The following SYT2 variants were observed in gnomAD, a reference collection of about 807,000 sequenced individuals.
SYT2 encodes synaptotagmin-2.
In SYT2, 15 loss-of-function variants were observed where a neutral mutation model predicts 39.9. The observed-to-expected ratio is 0.38, with a 90% CI of 0.25 to 0.58. SYT2 has a LOEUF of 0.58. Among genes scored for constraint, SYT2 ranks in the 20% least tolerant of loss-of-function variants. The probability of loss-of-function intolerance (pLI) is 0.70; values close to 1 mark genes in which losing one functional copy is unlikely to be tolerated. For missense variants in SYT2, 389 were observed against 530.3 expected, an observed-to-expected ratio of 0.73 and a Z score of 2.62; for synonymous variants, 181 against 204.5, an observed-to-expected ratio of 0.89 and a Z score of 0.98.
chr1:202,685,097 A>C (rs1235947915), intron 1 of SYT2, among the ~76,000 whole-genome samples: 8 of 152,200 alleles, frequency 5.3e-5, no homozygotes, highest in Non-Finnish European at 1.5e-5. Context: ...GAAGTCTGAG[A>C]GTTCAGCCCT....
intron 1 of SYT2, among the ~76,000 whole-genome samples, chr1:202,692,741 C>T (rs373218536): frequency 2.2e-4 from 34 of 152,132 alleles, no homozygotes; most frequent in Non-Finnish European, 8.8e-5. Flanking sequence ...CTAGTTTTCT[C>T]CTCAGCCAGC....
intron 1 of SYT2, among the ~76,000 whole-genome samples, chr1:202,667,815 C>A (rs972978291): frequency 6.6e-6 from 1 of 151,980 alleles, no homozygotes; most frequent in Non-Finnish European, 1.5e-5. Flanking sequence ...CGGGTTCAAG[C>A]GATTCTCCTG....
intron 1 of SYT2, among the ~76,000 whole-genome samples, chr1:202,645,150 A>C (rs1026537346): frequency 1.3e-5 from 2 of 152,106 alleles, no homozygotes; most frequent in Non-Finnish European, 2.9e-5. Flanking sequence ...TCAGATGGAA[A>C]GGGGGACCTG....
chr1:202,642,594 A>G (rs930620540), intron 1 of SYT2, among the ~76,000 whole-genome samples: 17 of 152,098 alleles, frequency 1.1e-4, no homozygotes, highest in Non-Finnish European at 2.2e-4. Flanking sequence ...AAAGTGTGGG[A>G]AAGTTCCCGG....
intron 1 of SYT2, among the ~76,000 whole-genome samples, chr1:202,629,357 C>T (rs866409522): frequency 5.3e-5 from 8 of 152,332 alleles, no homozygotes; most frequent in Middle Eastern, 3.4e-3. Context: ...AGCCCACCTT[C>T]CCCAATACTC....
intron 6 of SYT2, among the ~76,000 whole-genome samples, chr1:202,600,874 G>A (rs1392226973): frequency 1.7e-4 from 26 of 152,266 alleles, no homozygotes; most frequent in African/African-American, 5.8e-4. Flanking sequence ...GGTTAGCCAC[G>A]TGTCCACCAC....
At chr1:202,663,724 G>A (rs1247249529) in intron 1 of SYT2, among the ~76,000 whole-genome samples, 2 of 152,090 alleles carry the variant, frequency 1.3e-5, no homozygotes, top group Non-Finnish European at 1.5e-5. Context: ...TATCTCCTCT[G>A]AGGCTGGCTA....
chr1:202,676,095 C>G (rs1286154940), intron 1 of SYT2, among the ~76,000 whole-genome samples: 2 of 152,242 alleles, frequency 1.3e-5, no homozygotes, highest in Admixed American at 1.3e-4. Context: ...CCTTTCCACC[C>G]CTGCAGCCAG....
intron 1 of SYT2, among the ~76,000 whole-genome samples, chr1:202,682,000 C>T (rs928002750): frequency 3.3e-5 from 5 of 152,322 alleles, no homozygotes; most frequent in Admixed American, 2.6e-4. Context: ...GCCAGGGCCA[C>T]GGTGGCTGGT....
intron 1 of SYT2, among the ~76,000 whole-genome samples, chr1:202,674,720 T>C (rs189231563): frequency 1.5e-3 from 235 of 152,226 alleles, no homozygotes; most frequent in African/African-American, 5.3e-3. Context: ...ATGAAACCCC[T>C]ACTGTTTAAT....
rs189253201 is a variant in SYT2 at position 202,699,374 on chromosome 1, C to T, written c.-18+10884G>A. Among the ~76,000 whole-genome samples, 4 of 152,274 alleles carry T rather than the reference C, an allele frequency of 2.6e-5. No homozygotes were observed. In the East Asian group the frequency reaches 7.7e-4, roughly 29 times the overall value. On this transcript the variant is annotated intron_variant, in intron 1 of 8. Coordinates refer to ENST00000367268, the MANE Select transcript of SYT2 (RefSeq NM_177402.5). ...CCAGCTCTAGAGAGAGTCCCACAAACACCAGCCTGCGGCAGGGCATTTGTC... is the reference window on the plus strand; with the variant it reads ...CCAGCTCTAGAGAGAGTCCCACAAATACCAGCCTGCGGCAGGGCATTTGTC...
At position 202,681,379 on chromosome 1, in the gene SYT2, G is replaced by A. The variant is rs564908265; in HGVS notation, c.-18+28879C>T. Among the ~76,000 whole-genome samples the A allele has an allele frequency of 2.8e-4, 43 of 152,294 alleles. 1 individual carries two copies. Among genetic ancestry groups the A allele is most frequent in the South Asian group, 2.1e-4 (1 of 4,822 alleles). ...CAGCAGCTGCGGAGAATCCTCCACC[G>A]CCACTGGTGTCTCGTCTTATTTAAC... On this transcript the variant is annotated intron_variant, in intron 1 of 8. Coordinates refer to ENST00000367268, the MANE Select transcript of SYT2 (RefSeq NM_177402.5).
At chr1:202,661,914 G>A (rs1184334506) in intron 1 of SYT2, among the ~76,000 whole-genome samples, 1 of 152,180 alleles carries the variant, frequency 6.6e-6, no homozygotes, top group Non-Finnish European at 1.5e-5. Context: ...CAGACACTTT[G>A]AGAGTCCACC....
intron 1 of SYT2, among the ~76,000 whole-genome samples, chr1:202,684,371 AAGTG>A (rs1653605691): frequency 6.6e-6 from 1 of 151,322 alleles, no homozygotes; most frequent in Non-Finnish European, 1.5e-5. Context: ...TTCCACATAT[AAGTG>A]AGATTATACA....
chr1:202,605,937 A>T (rs1434829026), intron 1 of SYT2, 148 bp from the exon 2 acceptor site: 15 of 594,938 alleles, frequency 2.5e-5, no homozygotes, highest in Non-Finnish European at 3.9e-5. Flanking sequence ...ATAATAATAG[A>T]CATCATCCAA....
chr1:202,682,771 A>C (rs1653559578), intron 1 of SYT2, among the ~76,000 whole-genome samples: 1 of 152,120 alleles, frequency 6.6e-6, no homozygotes, highest in African/African-American at 2.4e-5. Flanking sequence ...ACTTGATCCA[A>C]TAGGTAGGTG....
At chr1:202,658,864 TAGA>T (rs1288866925) in intron 1 of SYT2, among the ~76,000 whole-genome samples, 1 of 151,902 alleles carries the variant, frequency 6.6e-6, no homozygotes, top group Non-Finnish European at 1.5e-5. Flanking sequence ...GAGGTCTAGG[TAGA>T]AGGAGTATGA....
rs1690174455 is a variant in SYT2 at position 202,592,900 on chromosome 1, G to A, written c.*3857C>T. On this transcript the variant is annotated 3_prime_UTR_variant, in exon 9 of 9. Coordinates refer to ENST00000367268, the MANE Select transcript of SYT2 (RefSeq NM_177402.5). The stretch of plus-strand genomic sequence containing the variant: ...TTTTTAGTATATGTCCCAACTATTT[G>A]CCTAGGACATATTTACACTTAATAA... 6.6e-6 allele frequency: 1 copy of A among 152,174 alleles called. No individual in the cohort carries two copies. Among genetic ancestry groups the A allele is most frequent in the Non-Finnish European group, 1.5e-5 (1 of 68,034 alleles). The allele number at this position is 152,174 out of a possible 1,614,324, so 9.4% of individuals were successfully genotyped here.
Position 202,618,090 on chromosome 1 carries a change from C to T in SYT2, c.-17-12301G>A, listed in dbSNP as rs56281571. On this transcript the variant is annotated intron_variant, in intron 1 of 8. Transcript: ENST00000367268. ...CTAATTTGTTGTAGTTTTGTAGAGA[C>T]GGGGTTTCACCATGTTGGCCAGGCT... Among the ~76,000 whole-genome samples the T allele has an allele frequency of 5.3e-3, 812 of 152,118 alleles. 2 individuals carry two copies. Among genetic ancestry groups the T allele is most frequent in the African/African-American group, 0.019 (782 of 41,498 alleles).
Sources: allele counts gnomAD v4.1 joint callset (sites outside exome capture counted in the v4.1 genomes callset), GRCh38; gene constraint gnomAD v4.1.1; transcripts MANE v1.5; gene names NCBI Gene and HGNC (gene_info 2026-07-23, HGNC 2026-07-21).